SLC7A11: variants seen among roughly 807,000 people sequenced by gnomAD.
SLC7A11 encodes cystine/glutamate transporter.
In SLC7A11, 35 loss-of-function variants were observed where a neutral mutation model predicts 54.5. The observed-to-expected ratio is 0.64, with a 90% CI of 0.49 to 0.85. The LOEUF (loss-of-function observed/expected upper bound fraction) is 0.85. SLC7A11 is among the 40% of genes least tolerant of loss of function. The pLI is 0.00. For synonymous variants in SLC7A11, 230 were observed against 225.2 expected, an observed-to-expected ratio of 1.02 and a Z score of -0.19; for missense variants, 583 against 618.1, an observed-to-expected ratio of 0.94 and a Z score of 0.60.
rs746298802 is a variant in SLC7A11 at position 138,223,342 on chromosome 4, A to C, written c.521-18T>G. ...CACTACAGCTGCAAACAAATAGAGG[A>C]AGTTACAAAAGGTGAATTCTCACTG... On this transcript the variant is annotated intron_variant, in intron 3 of 11. Transcript: ENST00000280612. The C allele has an allele frequency of 2.0e-5, 32 of 1,611,162 alleles. No individual in the cohort carries two copies. The highest frequency in any genetic ancestry group is 2.6e-5 in the Non-Finnish European group (31 of 1,178,308).
At chr4:138,175,008 T>C (rs1736534282) in intron 11 of SLC7A11, among the ~76,000 whole-genome samples, 1 of 152,186 alleles carries the variant, frequency 6.6e-6, no homozygotes, top group Non-Finnish European at 1.5e-5. Flanking sequence ...AATAATAGTA[T>C]TTTTTTAAGG....
chr4:138,167,739 G>A lies in SLC7A11; in HGVS notation c.*4217C>T, dbSNP rs1423573276. 6.6e-6 allele frequency: 1 copy of A among 152,130 alleles called. No individual in the cohort carries two copies. Among genetic ancestry groups the A allele is most frequent in the African/African-American group, 2.4e-5 (1 of 41,446 alleles). The allele number at this position is 152,130 out of a possible 1,614,324, so 9.4% of individuals were successfully genotyped here. On this transcript the variant is annotated 3_prime_UTR_variant, in exon 12 of 12. Coordinates refer to ENST00000280612, the MANE Select transcript of SLC7A11 (RefSeq NM_014331.4). ...GACTGAATGGTTAGGAAAGCAAAATGTAACTCTGTAAACTTGATCAGCACT... is the reference window on the plus strand; with the variant it reads ...GACTGAATGGTTAGGAAAGCAAAATATAACTCTGTAAACTTGATCAGCACT...
chr4:138,214,554 TA>T (rs768050610), intron 6 of SLC7A11, 30 bp downstream of exon 6: 3 of 1,341,722 alleles, frequency 2.2e-6, no homozygotes, highest in African/African-American at 3.0e-5. Flanking sequence ...TTATTCTTCA[TA>T]AAAATTTCAG....
chr4:138,170,269 TATACACAC>T lies in SLC7A11; in HGVS notation c.*1679_*1686del, dbSNP rs1560713422. On this transcript the variant is annotated 3_prime_UTR_variant, in exon 12 of 12. Coordinates refer to ENST00000280612, the MANE Select transcript of SLC7A11 (RefSeq NM_014331.4). ...GTGTGTGTATATATATATATATATA[TATACACAC>T]ACACACACACACACACATACACACA... 3 of 81,268 alleles carry T rather than the reference TATACACAC, an allele frequency of 3.7e-5. No individual in the cohort carries two copies. Among genetic ancestry groups the T allele is most frequent in the Non-Finnish European group, 7.9e-5 (3 of 38,000 alleles). The allele number at this position is 81,268 out of a possible 1,614,324, so 5.0% of individuals were successfully genotyped here. A position where few individuals can be genotyped will look rare whatever the true frequency, so the allele number is the denominator to read the frequency against.
At chr4:138,177,440 C>CCT (rs905658417) in intron 11 of SLC7A11, 5 of 150,040 alleles carry the variant, frequency 3.3e-5, no homozygotes, top group Non-Finnish European at 7.4e-5. Context: ...TCTCTCTCTC[C>CCT]CTCTCTCTCT....
chr4:138,242,344 C>A lies in SLC7A11; in HGVS notation c.-275G>T. The A allele has an allele frequency of 2.1e-6, 1 of 474,584 alleles. No individual in the cohort carries two copies. The highest frequency in any genetic ancestry group is 3.8e-6 in the Non-Finnish European group (1 of 260,296). 29.4% of individuals were successfully genotyped at this position (474,584 alleles called of 1,614,324 possible). On this transcript the variant is annotated 5_prime_UTR_variant, in exon 1 of 12. Transcript: ENST00000280612. Reference sequence around the variant, plus strand: ...TGCTGCTGCTGCCGCCCTATCATTACAAACCAGCTCAGCTTCCTCATGGGC... The same window carrying A: ...TGCTGCTGCTGCCGCCCTATCATTAAAAACCAGCTCAGCTTCCTCATGGGC...
At chr4:138,234,563 G>GTTT (rs201224066) in intron 2 of SLC7A11, among the ~76,000 whole-genome samples, 67 of 148,582 alleles carry the variant, frequency 4.5e-4, no homozygotes, top group Admixed American at 9.4e-4. Context: ...GAGAAAAGTA[G>GTTT]TTTTTTTTTT....
chr4:138,201,783 G>A (rs1330925900), intron 6 of SLC7A11, among the ~76,000 whole-genome samples: 1 of 152,076 alleles, frequency 6.6e-6, no homozygotes, highest in Non-Finnish European at 1.5e-5. Flanking sequence ...TATCTACTAT[G>A]AGCAAAGCAT....
intron 6 of SLC7A11, among the ~76,000 whole-genome samples, chr4:138,208,520 G>C (rs982704809): frequency 7.0e-5 from 9 of 129,084 alleles, no homozygotes; most frequent in Non-Finnish European, 1.6e-4. Context: ...ATGACAGATT[G>C]CATAGTCACC....
chr4:138,236,890 C>A (rs1000259892), intron 1 of SLC7A11, among the ~76,000 whole-genome samples: 9 of 151,804 alleles, frequency 5.9e-5, no homozygotes, highest in Admixed American at 5.9e-4. Context: ...TTTTTGAGAA[C>A]CCTTTTAATA....
intron 6 of SLC7A11, among the ~76,000 whole-genome samples, chr4:138,207,827 G>A (rs966799247): frequency 2.0e-5 from 3 of 152,102 alleles, no homozygotes; most frequent in Admixed American, 1.3e-4. Context: ...ATTTGGGCAA[G>A]ATATTTTGCC....
intron 8 of SLC7A11, 57 bp downstream of exon 8, chr4:138,183,145 A>T: frequency 8.3e-7 from 1 of 1,207,862 alleles, no homozygotes; most frequent in Admixed American, 1.9e-5. Flanking sequence ...AGTTATCCTT[A>T]TCACATCCAA....
At position 138,242,092 on chromosome 4, in the gene SLC7A11, A is replaced by G; in HGVS notation, c.-23T>C. ...CATAGTAGGGACACACGGGGGAAAA[A>G]TAAAACAGAGGGAAAGAAAACAAAA... is the stretch of plus-strand genomic sequence containing the variant. On this transcript the variant is annotated 5_prime_UTR_variant, in exon 1 of 12. Coordinates refer to ENST00000280612, the MANE Select transcript of SLC7A11 (RefSeq NM_014331.4). 6.2e-7 allele frequency: 1 copy of G among 1,609,882 alleles called. No homozygotes were observed. The highest frequency in any genetic ancestry group is 8.5e-7 in the Non-Finnish European group (1 of 1,177,516).
At chr4:138,234,643 C>G (rs914536746) in intron 2 of SLC7A11, among the ~76,000 whole-genome samples, 2 of 151,892 alleles carry the variant, frequency 1.3e-5, no homozygotes, top group Non-Finnish European at 2.9e-5. Context: ...TTTTAGATCT[C>G]TTTTTATTGC....
chr4:138,172,896 T>C (rs1736470568), intron 11 of SLC7A11, among the ~76,000 whole-genome samples: 1 of 152,198 alleles, frequency 6.6e-6, no homozygotes, highest in African/African-American at 2.4e-5. Context: ...CAGGTTAGAG[T>C]GCAATGGTGC....
Position 138,170,537 on chromosome 4 carries a change from A to G in SLC7A11, c.*1419T>C, listed in dbSNP as rs1736400721. On this transcript the variant is annotated 3_prime_UTR_variant, in exon 12 of 12. Transcript: ENST00000280612. ...CTCCATGTTGGTCAGGCTGGTCTAG[A>G]ACTCCCGACCTCAGGTGATCCACCC... 6.6e-6 allele frequency: 1 copy of G among 151,556 alleles called. No individual in the cohort carries two copies. The highest frequency in any genetic ancestry group is 2.1e-4 in the South Asian group (1 of 4,806). 9.4% of individuals were successfully genotyped at this position (151,556 alleles called of 1,614,324 possible).
In SLC7A11 at chr4:138,235,752, T is replaced by C. The variant is rs928256713; in HGVS notation, c.404+573A>G. ...CAAGACAAGCAGGAATGTAAACACATTGTTACAACAATAAAATCAAAAAAG... is the reference window on the plus strand; with the variant it reads ...CAAGACAAGCAGGAATGTAAACACACTGTTACAACAATAAAATCAAAAAAG... On this transcript the variant is annotated intron_variant, in intron 2 of 11. Transcript: ENST00000280612. Among the ~76,000 whole-genome samples the C allele has an allele frequency of 1.1e-4, 17 of 152,342 alleles. No homozygotes were observed. In the South Asian group the frequency reaches 1.4e-3, roughly 13 times the overall value.
At chr4:138,201,390 A>G (rs913903719) in intron 6 of SLC7A11, among the ~76,000 whole-genome samples, 3 of 152,138 alleles carry the variant, frequency 2.0e-5, no homozygotes, top group African/African-American at 7.2e-5. Context: ...GAGAAAGCAT[A>G]TAAGAAAGGG....
chr4:138,229,782 T>C (rs931902178), intron 3 of SLC7A11, among the ~76,000 whole-genome samples: 1 of 152,252 alleles, frequency 6.6e-6, no homozygotes, highest in African/African-American at 2.4e-5. Context: ...TTAGTATTCA[T>C]ATAAGTTTAA....
Sources: allele counts gnomAD v4.1 joint callset (sites outside exome capture counted in the v4.1 genomes callset), GRCh38; gene constraint gnomAD v4.1.1; transcripts MANE v1.5; gene names NCBI Gene and HGNC (gene_info 2026-07-23, HGNC 2026-07-21).